Variants in GSTZ1 observed in about 807,000 individuals in gnomAD.
GSTZ1 encodes the protein glutathione S-transferase zeta 1, also known as maleylacetoacetate isomerase.
A neutral mutation model predicts 35.9 loss-of-function variants in GSTZ1; 34 were observed. That is an observed-to-expected ratio of 0.95 (90% CI 0.72 to 1.26). The LOEUF (loss-of-function observed/expected upper bound fraction) is 1.26, where lower values mean the gene tolerates loss of function less well. Among genes scored for constraint, GSTZ1 ranks in the 50% most tolerant of loss-of-function variants. The probability of loss-of-function intolerance (pLI) is 0.00; values close to 1 mark genes in which losing one functional copy is unlikely to be tolerated. For missense variants in GSTZ1, 263 were observed against 271.7 expected (o/e 0.97, Z 0.23); for synonymous variants, 93 against 101.2 (o/e 0.92, Z 0.49).
At chr14:77,323,382 T>C (rs1298338285) in intron 1 of GSTZ1, 1 of 152,222 alleles carries the variant, frequency 6.6e-6, no homozygotes, top group Admixed American at 6.5e-5. Context: ...AGTCTTGCTC[T>C]GTCCCCCAGG....
At chr14:77,328,156 G>C in intron 5 of GSTZ1, 119 bp downstream of exon 5, 3 of 992,798 alleles carry the variant, frequency 3.0e-6, no homozygotes, top group Non-Finnish European at 4.5e-6. Context: ...GATTCTCAGG[G>C]CCTCTGACCT....
intron 8 of GSTZ1, 68 bp from the exon 9 acceptor site, chr14:77,331,001 C>T (rs901047979): frequency 4.1e-5 from 62 of 1,507,954 alleles, no homozygotes; most frequent in Non-Finnish European, 4.7e-5. Flanking sequence ...TCTGCTCCCC[C>T]TGCTGCATCA....
intron 6 of GSTZ1, 85 bp downstream of exon 6, chr14:77,329,286 GC>G: frequency 1.1e-6 from 1 of 929,124 alleles, no homozygotes; most frequent in Non-Finnish European, 1.8e-6. Context: ...ATCTGAACCA[GC>G]CTCCCAGGCT....
chr14:77,326,538 CA>C (rs1447421786), intron 2 of GSTZ1: 1 of 320,258 alleles, frequency 3.1e-6, no homozygotes, highest in Non-Finnish European at 6.0e-6. Flanking sequence ...CACAGAGTGC[CA>C]GGGCATACAC....
At chr14:77,323,780 T>C (rs8177551) in intron 1 of GSTZ1, 6,429 of 152,294 alleles carry the variant, frequency 0.042, 189 homozygotes, top group Middle Eastern at 0.1. Flanking sequence ...AGTGAGCATA[T>C]CTGCCAGCTG....
At chr14:77,329,555 TTGTC>T (rs547928260) in intron 6 of GSTZ1, 196 bp from the exon 7 acceptor site, 221 of 602,244 alleles carry the variant, frequency 3.7e-4, no homozygotes, top group African/African-American at 3.4e-3. Flanking sequence ...GAAATGGTGA[TTGTC>T]TGTGCGGAGC....
intron 2 of GSTZ1, chr14:77,325,623 G>A (rs889776968): frequency 2.4e-4 from 37 of 152,410 alleles, no homozygotes; most frequent in African/African-American, 8.9e-4. Flanking sequence ...GAACCAGGTA[G>A]TCTGGCTCCA....
At chr14:77,327,671 C>T (rs968721033) in intron 4 of GSTZ1, 119 bp downstream of exon 4, 2 of 790,384 alleles carry the variant, frequency 2.5e-6, no homozygotes, top group Non-Finnish European at 4.4e-6. Context: ...AGGCTCAATA[C>T]AAGACTCGTG....
rs1332637787 is a variant in GSTZ1 at position 77,321,048 on chromosome 14, C to A, written c.-121C>A. ...CGGAAGGATCTTTCTAGTCCAGCCC[C>A]TCGCTTTACCCGGACGAAAGACACG... On this transcript the variant is annotated 5_prime_UTR_variant, in exon 1 of 9. Coordinates refer to ENST00000216465, the MANE Select transcript of GSTZ1 (RefSeq NM_145870.3). 11 of 1,129,994 alleles carry A rather than the reference C, an allele frequency of 9.7e-6. No homozygotes were observed. The highest frequency in any genetic ancestry group is 1.6e-5 in the African/African-American group (1 of 63,024). The allele number at this position is 1,129,994 out of a possible 1,614,324, so 70.0% of individuals were successfully genotyped here.
rs1459986058 is a variant in GSTZ1, at chr14:77,329,695, A to G, written c.422-60A>G. ...TTCATAACTATGGAGGCCAAGGCCC[A>G]GAAAGCTTTGTGTCCCCTCCCTGCG... On this transcript the variant is annotated intron_variant, in intron 6 of 8. Transcript: ENST00000216465. 18 of 1,349,072 alleles carry G rather than the reference A, an allele frequency of 1.3e-5. No homozygotes were observed. The East Asian group carries it at 3.9e-4, about 29-fold the overall frequency. 83.6% of individuals were successfully genotyped at this position (1,349,072 alleles called of 1,614,324 possible).
intron 1 of GSTZ1, chr14:77,322,707 G>A (rs1192773608): frequency 1.0e-6 from 1 of 985,466 alleles, no homozygotes; most frequent in Non-Finnish European, 1.2e-6. Context: ...TCTGTGCCAG[G>A]ACCATCTTTA....
In GSTZ1 at chr14:77,331,483, C is replaced by A. The variant is rs1892626350; in HGVS notation, c.*288C>A. 1 of 361,620 alleles carries A rather than the reference C, an allele frequency of 2.8e-6. No individual in the cohort carries two copies. The highest frequency in any genetic ancestry group is 5.1e-6 in the Non-Finnish European group (1 of 196,158). The allele number at this position is 361,620 out of a possible 1,614,324, so 22.4% of individuals were successfully genotyped here. A position where few individuals can be genotyped will look rare whatever the true frequency, so the allele number is the denominator to read the frequency against. On this transcript the variant is annotated 3_prime_UTR_variant, in exon 9 of 9. Coordinates refer to ENST00000216465, the MANE Select transcript of GSTZ1 (RefSeq NM_145870.3). The stretch of plus-strand genomic sequence containing the variant: ...CGGATTAAAATGCCTGGCGTGCTCA[C>A]CGTAACACCACGGGGAAGGCTGTGT...
At chr14:77,327,102 G>A (rs1892357796) in intron 3 of GSTZ1, 197 bp downstream of exon 3, 1 of 606,262 alleles carries the variant, frequency 1.6e-6, no homozygotes, top group African/African-American at 1.9e-5. Flanking sequence ...AAGGGCCCAG[G>A]TCCAGACTGT....
At chr14:77,329,449 C>T in intron 6 of GSTZ1, 2 of 596,804 alleles carry the variant, frequency 3.4e-6, no homozygotes, top group Non-Finnish European at 6.0e-6. Context: ...AGCTTCACTG[C>T]CTACTCCAGC....
At chr14:77,329,614 G>GCTGCCACATT in intron 6 of GSTZ1, 141 bp from the exon 7 acceptor site, 1 of 709,074 alleles carries the variant, frequency 1.4e-6, no homozygotes, top group Non-Finnish European at 2.6e-6. Flanking sequence ...TCGAGACCTG[G>GCTGCCACATT]CTGCCACATT....
intron 8 of GSTZ1, 116 bp downstream of exon 8, chr14:77,330,475 C>A: frequency 2.4e-6 from 2 of 839,862 alleles, no homozygotes; most frequent in African/African-American, 1.7e-5. Flanking sequence ...AGGAGCCCAC[C>A]ATGCCAGGCC....
chr14:77,321,311 C>T (rs1427934936), intron 1 of GSTZ1, 128 bp downstream of exon 1: 20 of 1,525,814 alleles, frequency 1.3e-5, no homozygotes, highest in Admixed American at 2.0e-5. Flanking sequence ...TGCTTTGCGC[C>T]GGGCACGCTC....
In GSTZ1 at chr14:77,324,395, C is replaced by T. The variant is rs1594820675; in HGVS notation, c.16-475C>T. On this transcript the variant is annotated intron_variant, in intron 1 of 8. Coordinates refer to ENST00000216465, the MANE Select transcript of GSTZ1 (RefSeq NM_145870.3). The stretch of plus-strand genomic sequence containing the variant: ...CTCCTCACCTCAAATGATCCACCCA[C>T]CTTGGCTCCCGAAGTGCTGGGATTA... 2.2e-5 allele frequency: 13 copies of T among 604,088 alleles called. No homozygotes were observed. In the East Asian group the frequency reaches 3.7e-4, roughly 17 times the overall value. 37.4% of individuals were successfully genotyped at this position (604,088 alleles called of 1,614,324 possible).
chr14:77,329,325 A>C (rs8177569), intron 6 of GSTZ1, 124 bp downstream of exon 6: 30,494 of 731,860 alleles, frequency 0.042, 841 homozygotes, highest in African/African-American at 0.1. Context: ...TGCATGGATG[A>C]GGGCAGGACT....
Sources: gnomAD v4.1 joint callset for allele counts on GRCh38, gnomAD v4.1.1 for gene constraint, MANE v1.5 for transcripts, NCBI Gene and HGNC (gene_info 2026-07-23, HGNC 2026-07-21) for gene names.